The following GFI1B variants were observed in gnomAD, a reference collection of about 807,000 sequenced individuals.
GFI1B encodes the protein growth factor independent 1B transcriptional repressor.
GFI1B carries 20 observed loss-of-function variants against 35.3 expected under a neutral mutation model. The ratio of observed to expected loss-of-function variants is 0.57; its 90% CI spans 0.40 to 0.82. GFI1B has a LOEUF of 0.82. Among genes scored for constraint, GFI1B ranks in the 40% least tolerant of loss-of-function variants. The pLI, the probability that GFI1B is intolerant of heterozygous loss-of-function variation, is 0.00. For synonymous variants in GFI1B, 178 were observed against 177.6 expected, an observed-to-expected ratio of 1.00 and a Z score of -0.02; for missense variants, 430 against 446.3, an observed-to-expected ratio of 0.96 and a Z score of 0.33.
rs1334765313 is a variant in GFI1B, at chr9:132,986,639, C to T, written c.-20-20C>T. On this transcript the variant is annotated intron_variant, in intron 1 of 6. Coordinates refer to ENST00000372122, the MANE Select transcript of GFI1B (RefSeq NM_001377304.1). The stretch of plus-strand genomic sequence containing the variant: ...TGTTCTCTTGTCCTTCCTAACCGCT[C>T]CCATCCCTCCCCCTTGCAGGTGTGG... The T allele has an allele frequency of 3.9e-6, 5 of 1,277,540 alleles. No homozygotes were observed. Among genetic ancestry groups the T allele is most frequent in the Non-Finnish European group, 5.7e-6 (5 of 884,464 alleles). 79.1% of individuals were successfully genotyped at this position (1,277,540 alleles called of 1,614,324 possible).
chr9:132,989,019 A>G lies in GFI1B; in HGVS notation c.511-42A>G, dbSNP rs779694038. 6.2e-7 allele frequency: 1 copy of G among 1,606,126 alleles called. No individual in the cohort carries two copies. Among genetic ancestry groups the G allele is most frequent in the African/African-American group, 1.3e-5 (1 of 74,762 alleles). ...ATGGGACCCCAGGCCTGTCCCTGTCACCGCAGCCCCCAGTGGCCTCACATG... is the reference window on the plus strand; with the variant it reads ...ATGGGACCCCAGGCCTGTCCCTGTCGCCGCAGCCCCCAGTGGCCTCACATG... On this transcript the variant is annotated intron_variant, in intron 4 of 6. Transcript: ENST00000372122. This position sits in a 1 kb window ranked among gnomAD's most constrained non-coding sequence, Gnocchi z 6.2.
intron 1 of GFI1B, among the ~76,000 whole-genome samples, chr9:132,968,545 T>C (rs1022404568): frequency 1.3e-5 from 2 of 152,230 alleles, no homozygotes; most frequent in Admixed American, 6.5e-5. Flanking sequence ...GTAGTAGATA[T>C]TGGGGTGTTC....
rs562579934 is a variant in GFI1B at position 132,983,441 on chromosome 9, C to T, written c.-20-3218C>T. ...CGAACTCCTGATCTTGTGATCCGTC[C>T]GCCTCGGCCTCCCAAAATGTTGGGA... On this transcript the variant is annotated intron_variant, in intron 1 of 6. Coordinates refer to ENST00000372122, the MANE Select transcript of GFI1B (RefSeq NM_001377304.1). Among the ~76,000 whole-genome samples, 36 of 152,094 alleles carry T rather than the reference C, an allele frequency of 2.4e-4. No homozygotes were observed. The East Asian group carries it at 2.7e-3, about 11-fold the overall frequency.
chr9:132,977,349 A>G (rs1588424411), upstream of GFI1B, among the ~76,000 whole-genome samples: 2 of 152,030 alleles, frequency 1.3e-5, no homozygotes, highest in Non-Finnish European at 2.9e-5. Flanking sequence ...TGGGGCTGGG[A>G]CTGACACCCC....
chr9:132,976,997 G>T (rs1162214866), upstream of GFI1B, among the ~76,000 whole-genome samples: 1 of 152,146 alleles, frequency 6.6e-6, no homozygotes, highest in Non-Finnish European at 1.5e-5. Context: ...TGCTCTTGTT[G>T]CCCAGGCTGA....
At chr9:132,966,669 G>A (rs1304973460) in intron 1 of GFI1B, among the ~76,000 whole-genome samples, 1 of 152,224 alleles carries the variant, frequency 6.6e-6, no homozygotes, top group African/African-American at 2.4e-5. Flanking sequence ...ATGTTTGCTT[G>A]GCGACAAAGT....
intron 1 of GFI1B, chr9:132,951,450 C>A (rs1848200801): frequency 1.3e-5 from 2 of 152,310 alleles, no homozygotes; most frequent in African/African-American, 4.8e-5. Flanking sequence ...TCAAACCTCT[C>A]TTGGAACTGC....
intron 1 of GFI1B, among the ~76,000 whole-genome samples, chr9:132,982,895 G>T (rs1194613920): frequency 6.6e-6 from 1 of 152,066 alleles, no homozygotes; most frequent in Non-Finnish European, 1.5e-5. Context: ...AGAAGCATGA[G>T]AATCACCTTC....
chr9:132,971,669 T>C (rs1848533416), intron 1 of GFI1B, among the ~76,000 whole-genome samples: 1 of 151,766 alleles, frequency 6.6e-6, no homozygotes, highest in Non-Finnish European at 1.5e-5. Context: ...ACAAGAAAAA[T>C]AGACTTCAAA....
chr9:132,960,054 G>A (rs17150010), intron 1 of GFI1B, among the ~76,000 whole-genome samples: 1,865 of 152,302 alleles, frequency 0.012, 31 homozygotes, highest in Non-Finnish European at 0.019. Context: ...CCCAGCAGAT[G>A]ACATGGGAAA....
Position 132,991,023 on chromosome 9 carries a change from C to G in GFI1B, c.966C>G (p.His322Gln), listed in dbSNP as rs751095810. Reference protein sequence around the residue: ...GFQRKVDLRRHRESQHNLK With the variant: ...GFQRKVDLRRQRESQHNLK Reference sequence around the variant, plus strand: ...AGCGCAAGGTGGACCTGCGGCGGCACCGCGAGAGCCAGCACAATCTCAAGT... The same window carrying G: ...AGCGCAAGGTGGACCTGCGGCGGCAGCGCGAGAGCCAGCACAATCTCAAGT... Residue 322 changes from histidine to glutamine, a missense_variant, in exon 7 of 7, where the codon CAC becomes CAG. Physicochemically the swap from His to Gln is conservative, Grantham distance 24. Transcript: ENST00000372122. 3 of 1,613,920 alleles carry G rather than the reference C, an allele frequency of 1.9e-6. No individual in the cohort carries two copies. The highest frequency in any genetic ancestry group is 2.5e-6 in the Non-Finnish European group (3 of 1,179,978).
intron 1 of GFI1B, among the ~76,000 whole-genome samples, chr9:132,954,469 G>A (rs983556228): frequency 2.6e-5 from 4 of 151,348 alleles, no homozygotes; most frequent in African/African-American, 9.7e-5. Flanking sequence ...CAGCTACTCA[G>A]GAGGCTGAGG....
intron 1 of GFI1B, among the ~76,000 whole-genome samples, chr9:132,985,456 C>T (rs1056539665): frequency 6.6e-6 from 1 of 152,176 alleles, no homozygotes; most frequent in Non-Finnish European, 1.5e-5. Context: ...CATGAAGCCT[C>T]AGGCCTCCAG....
chr9:132,949,731 A>C (rs1185055495), intron 1 of GFI1B: 1 of 152,812 alleles, frequency 6.5e-6, no homozygotes, highest in African/African-American at 2.4e-5. Flanking sequence ...TGCCCAAACC[A>C]GCAAGGAGCA....
Position 132,989,587 on chromosome 9 carries a change from C to CT in GFI1B, c.649-155_649-154insT. 1.6e-6 allele frequency: 1 copy of CT among 621,746 alleles called. No homozygotes were observed. 38.5% of individuals were successfully genotyped at this position (621,746 alleles called of 1,614,324 possible). A position where few individuals can be genotyped will look rare whatever the true frequency, so the allele number is the denominator to read the frequency against. On this transcript the variant is annotated intron_variant, in intron 5 of 6. Transcript: ENST00000372122. The surrounding 1 kb of genome is among the most constrained non-coding windows in gnomAD (Gnocchi z 6.2). ...ATCCCACAGGAGACCAATGAGACTC[C>CT]AAGCCCCAGTTTCACCTCAGAGGCA...
chr9:132,987,474 T>G, intron 3 of GFI1B, 55 bp downstream of exon 3: 1 of 1,605,214 alleles, frequency 6.2e-7, no homozygotes, highest in Non-Finnish European at 8.5e-7. Context: ...GGAGGAAGGA[T>G]GAAGGGACTC....
chr9:132,951,803 T>C (rs2132583343), intron 1 of GFI1B: 1 of 152,388 alleles, frequency 6.6e-6, no homozygotes, highest in African/African-American at 2.4e-5. Flanking sequence ...AGTGTCTCAC[T>C]CCAGTCCAGA....
At chr9:132,967,737 T>TAC (rs2132605173) in intron 1 of GFI1B, among the ~76,000 whole-genome samples, 1 of 152,322 alleles carries the variant, frequency 6.6e-6, no homozygotes, top group East Asian at 1.9e-4. Flanking sequence ...ATTATATATA[T>TAC]ACACATATAT....
chr9:132,977,208 C>T (rs1037203293), upstream of GFI1B, among the ~76,000 whole-genome samples: 3 of 152,172 alleles, frequency 2.0e-5, no homozygotes, highest in African/African-American at 7.2e-5. Flanking sequence ...CCTCGCCTGC[C>T]TCGGCCTCTC....
Sources: gnomAD v4.1 joint callset for allele counts (sites outside exome capture counted in the v4.1 genomes callset) on GRCh38, gnomAD v4.1.1 for gene constraint, Gnocchi (gnomAD v3.1) non-coding constraint, MANE v1.5 for transcripts, NCBI Gene and HGNC (gene_info 2026-07-23, HGNC 2026-07-21) for gene names.